The following SCML2 variants were observed in gnomAD, a reference collection of about 807,000 sequenced individuals.
SCML2 encodes Scm polycomb group protein like 2.
SCML2 carries 6 observed loss-of-function variants against 48.4 expected under a neutral mutation model. The observed-to-expected ratio is 0.12, with a 90% confidence interval of 0.07 to 0.24. The LOEUF (loss-of-function observed/expected upper bound fraction) is 0.24. Among genes scored for constraint, SCML2 ranks in the 10% least tolerant of loss-of-function variants. The pLI, the probability that SCML2 is intolerant of heterozygous loss-of-function variation, is 1.00. For missense variants in SCML2, 377 were observed against 528.2 expected (o/e 0.71, Z 2.81); for synonymous variants, 181 against 189.5 (o/e 0.95, Z 0.37).
At chrX:18,247,704 A>C in intron 12 of SCML2, 65 bp downstream of exon 12, 1 of 843,291 alleles carries the variant, frequency 1.2e-6, no homozygotes, top group Non-Finnish European at 1.7e-6. Context: ...CCACCCCAAG[A>C]GTATACATAA....
chrX:18,346,599 T>G lies in SCML2; in HGVS notation c.-25+7993A>C, dbSNP rs987334283. On this transcript the variant is annotated intron_variant, in intron 1 of 14. Coordinates refer to ENST00000251900, the MANE Select transcript of SCML2 (RefSeq NM_006089.3). Reference sequence around the variant, plus strand: ...CACAATTTACCAGAGATTAATTAAATAGCACAGGTAGAAAGGGTTCTTTTC... The same window carrying G: ...CACAATTTACCAGAGATTAATTAAAGAGCACAGGTAGAAAGGGTTCTTTTC... Among the ~76,000 whole-genome samples, 3 of 112,242 alleles carry G rather than the reference T, an allele frequency of 2.7e-5. No homozygotes were observed. The Admixed American group carries it at 2.8e-4, about 11-fold the overall frequency.
intron 8 of SCML2, among the ~76,000 whole-genome samples, 180 bp from the exon 9 acceptor site, chrX:18,260,471 G>C (rs749846306): frequency 2.7e-5 from 3 of 111,350 alleles, no homozygotes; most frequent in Non-Finnish European, 5.6e-5. Context: ...GAGCTTCTCA[G>C]AGGACCACAA....
At chrX:18,320,281 T>C (rs934070929) in intron 6 of SCML2, 51 bp downstream of exon 6, 9 of 727,640 alleles carry the variant, frequency 1.2e-5, no homozygotes, top group African/African-American at 2.1e-5. Flanking sequence ...CATTTAAGCA[T>C]TCCCACTAAA....
rs1602067289 is a variant in SCML2 at position 18,240,464 on chromosome X, A to C, written c.*787T>G. 1 of 111,991 alleles carries C rather than the reference A, an allele frequency of 8.9e-6. No individual in the cohort carries two copies. Among genetic ancestry groups the C allele is most frequent in the Admixed American group, 9.6e-5 (1 of 10,463 alleles). 9.2% of individuals were successfully genotyped at this position (111,991 alleles called of 1,213,427 possible). Reference sequence around the variant, plus strand: ...ATGTCCAAGCGTAGTGAAAATATGGAAAGTTTTAAAATAATAGGAATTTCA... The same window carrying C: ...ATGTCCAAGCGTAGTGAAAATATGGCAAGTTTTAAAATAATAGGAATTTCA... On this transcript the variant is annotated 3_prime_UTR_variant, in exon 15 of 15. Coordinates refer to ENST00000251900, the MANE Select transcript of SCML2 (RefSeq NM_006089.3).
chrX:18,346,616 G>T (rs1229982626), intron 1 of SCML2, among the ~76,000 whole-genome samples: 1 of 112,144 alleles, frequency 8.9e-6, no homozygotes, highest in African/African-American at 3.2e-5. Flanking sequence ...GGTAGAAAGG[G>T]TTCTTTTCCT....
chrX:18,329,854 G>T (rs997914718), intron 3 of SCML2, among the ~76,000 whole-genome samples: 4 of 112,246 alleles, frequency 3.6e-5, no homozygotes, highest in African/African-American at 1.3e-4. Context: ...GAGGCAAGTG[G>T]ATCACCTGAG....
At chrX:18,296,883 T>G (rs1252992884) in intron 7 of SCML2, among the ~76,000 whole-genome samples, 2 of 110,759 alleles carry the variant, frequency 1.8e-5, no homozygotes. Context: ...GTGAGAATTC[T>G]CCTTAACTCA....
Position 18,335,722 on chromosome X carries a change from A to G in SCML2, c.-24-1627T>C, listed in dbSNP as rs190963852. On this transcript the variant is annotated intron_variant, in intron 1 of 14. Coordinates refer to ENST00000251900, the MANE Select transcript of SCML2 (RefSeq NM_006089.3). ...AGGAGTGAAAATACGTATACAGATG[A>G]TCGAAAATACATACTTGAAGAAAAC... is the stretch of plus-strand genomic sequence containing the variant. Among the ~76,000 whole-genome samples the G allele has an allele frequency of 8.1e-5, 9 of 111,318 alleles. No individual in the cohort carries two copies. The East Asian group carries it at 2.5e-3, about 31-fold the overall frequency.
In SCML2 at chrX:18,307,539, C is replaced by T. The variant is rs191698789; in HGVS notation, c.487-2324G>A. ...AAACATTCAAGGCACACATAAGGAT[C>T]CCAGGACCTTACACTGTCTTATAAC... is the stretch of plus-strand genomic sequence containing the variant. On this transcript the variant is annotated intron_variant, in intron 6 of 14. Transcript: ENST00000251900. Among the ~76,000 whole-genome samples the T allele has an allele frequency of 3.6e-5, 4 of 111,805 alleles. No individual in the cohort carries two copies. In the East Asian group the frequency reaches 8.5e-4, roughly 24 times the overall value.
intron 11 of SCML2, among the ~76,000 whole-genome samples, chrX:18,255,543 G>T (rs377170817): frequency 7.3e-4 from 82 of 112,206 alleles, no homozygotes; most frequent in African/African-American, 2.5e-3. Flanking sequence ...AGCTACACCA[G>T]AGGGGAGAAA....
intron 6 of SCML2, among the ~76,000 whole-genome samples, chrX:18,309,591 T>A (rs1263110297): frequency 1.8e-5 from 2 of 112,042 alleles, no homozygotes; most frequent in African/African-American, 6.5e-5. Context: ...TGGAATACTA[T>A]GCAGCCATAA....
chrX:18,258,665 T>C (rs1164364455), intron 9 of SCML2, among the ~76,000 whole-genome samples: 1 of 111,228 alleles, frequency 9.0e-6, no homozygotes, highest in Admixed American at 9.6e-5. Context: ...TGCTCTTTTT[T>C]GGACTGAATT....
In SCML2 at chrX:18,329,650, T is replaced by C. The variant is rs140983782; in HGVS notation, c.91+937A>G. On this transcript the variant is annotated intron_variant, in intron 3 of 14. Coordinates refer to ENST00000251900, the MANE Select transcript of SCML2 (RefSeq NM_006089.3). ...CATGTACTGTTCATAATAAGGAACA[T>C]GAATTAATAAAGTTAACATTTACTG... 6.0e-3 allele frequency among the ~76,000 whole-genome samples: 682 copies of C among 113,033 alleles called. 5 individuals carry two copies. The highest frequency in any genetic ancestry group is 0.032 in the Middle Eastern group (7 of 218).
At chrX:18,326,078 T>C (rs1212611421) in intron 3 of SCML2, among the ~76,000 whole-genome samples, 1 of 112,371 alleles carries the variant, frequency 8.9e-6, no homozygotes, top group East Asian at 2.8e-4. Flanking sequence ...CATGGTTGAC[T>C]GTAAGGTGCC....
intron 7 of SCML2, among the ~76,000 whole-genome samples, chrX:18,282,157 T>A (rs1453161064): frequency 3.7e-5 from 4 of 106,956 alleles, no homozygotes; most frequent in Non-Finnish European, 7.7e-5. Context: ...GACGCAAAAA[T>A]CCATACAAAA....
chrX:18,307,228 G>A (rs1273249080), intron 6 of SCML2, among the ~76,000 whole-genome samples: 1 of 109,946 alleles, frequency 9.1e-6, no homozygotes, highest in Non-Finnish European at 1.9e-5. Context: ...TCCAGGCCGC[G>A]GCGAGCCGTG....
intron 7 of SCML2, among the ~76,000 whole-genome samples, chrX:18,272,605 G>A (rs1227136240): frequency 1.8e-5 from 2 of 112,284 alleles, no homozygotes; most frequent in African/African-American, 3.2e-5. Flanking sequence ...ATCCAGCTTC[G>A]CCACACAATA....
chrX:18,262,499 CCTGA>C (rs747739260), intron 8 of SCML2, among the ~76,000 whole-genome samples: 1 of 106,239 alleles, frequency 9.4e-6, no homozygotes, highest in Non-Finnish European at 1.9e-5. Context: ...TGTGAGCATG[CCTGA>C]CTAATTTTTG....
intron 13 of SCML2, among the ~76,000 whole-genome samples, chrX:18,243,829 A>G (rs1417097547): frequency 1.8e-5 from 2 of 112,052 alleles, no homozygotes; most frequent in Non-Finnish European, 3.8e-5. Context: ...GTTAGTGTGG[A>G]TAACTGAAGT....
Sources: gnomAD v4.1 joint callset for allele counts (sites outside exome capture counted in the v4.1 genomes callset) on GRCh38, gnomAD v4.1.1 for gene constraint, MANE v1.5 for transcripts, NCBI Gene and HGNC (gene_info 2026-07-23, HGNC 2026-07-21) for gene names.